The following CTNNA3 variants were observed in gnomAD, a reference collection of about 807,000 sequenced individuals.
CTNNA3 encodes catenin alpha-3.
A neutral mutation model predicts 95.7 loss-of-function variants in CTNNA3; 76 were observed. The ratio of observed to expected loss-of-function variants is 0.79; its 90% confidence interval spans 0.66 to 0.96. The LOEUF (loss-of-function observed/expected upper bound fraction) is 0.96, where lower values mean the gene tolerates loss of function less well. Ranked by LOEUF, CTNNA3 falls within the 40% of genes least tolerant of loss-of-function variation. The pLI, the probability that CTNNA3 is intolerant of heterozygous loss-of-function variation, is 0.00. For missense variants in CTNNA3, 1,191 were observed against 1,089.8 expected (o/e 1.09, Z -1.31); for synonymous variants, 431 against 374.4 (o/e 1.15, Z -1.74).
intron 12 of CTNNA3, among the ~76,000 whole-genome samples, chr10:66,315,743 T>C (rs1251151788): frequency 1.3e-5 from 2 of 152,212 alleles, no homozygotes; most frequent in East Asian, 3.9e-4. Flanking sequence ...GAGAAATTAT[T>C]CTGTAATATT....
intron 5 of CTNNA3, among the ~76,000 whole-genome samples, chr10:67,452,212 G>A (rs1370703966): frequency 6.6e-6 from 1 of 151,994 alleles, no homozygotes; most frequent in African/African-American, 2.4e-5. Flanking sequence ...ATGCATTTGG[G>A]GGAAATATAA....
chr10:66,111,472 G>C (rs1320327870), intron 13 of CTNNA3, among the ~76,000 whole-genome samples: 1 of 152,206 alleles, frequency 6.6e-6, no homozygotes, highest in African/African-American at 2.4e-5. Context: ...CTTCTTAGGG[G>C]ACCATTATCC....
chr10:66,473,761 C>T (rs994809894), intron 11 of CTNNA3, among the ~76,000 whole-genome samples: 6 of 151,848 alleles, frequency 4.0e-5, no homozygotes, highest in East Asian at 1.9e-4. Flanking sequence ...TGAGAACATG[C>T]GGTGTTTGGT....
chr10:66,916,489 A>T (rs889896069), intron 7 of CTNNA3, among the ~76,000 whole-genome samples: 1 of 152,176 alleles, frequency 6.6e-6, no homozygotes, highest in Non-Finnish European at 1.5e-5. Flanking sequence ...CTTTTCTCCT[A>T]TTTGCTTTTT....
At chr10:66,986,676 G>C (rs780777619) in intron 7 of CTNNA3, among the ~76,000 whole-genome samples, 9 of 152,048 alleles carry the variant, frequency 5.9e-5, no homozygotes, top group Non-Finnish European at 8.8e-5. Flanking sequence ...ACTATACCTT[G>C]TAAGTCAACT....
At chr10:66,846,567 T>G (rs952505457) in intron 7 of CTNNA3, among the ~76,000 whole-genome samples, 2 of 151,840 alleles carry the variant, frequency 1.3e-5, no homozygotes, top group African/African-American at 4.8e-5. Context: ...AACATCACAT[T>G]ATATACCATA....
intron 7 of CTNNA3, among the ~76,000 whole-genome samples, chr10:67,136,297 T>C (rs1860305997): frequency 6.6e-6 from 1 of 152,122 alleles, no homozygotes; most frequent in Non-Finnish European, 1.5e-5. Context: ...AAGATTTATG[T>C]GTGTGCTTCC....
At chr10:67,685,659 T>C (rs1426491711) in intron 1 of CTNNA3, among the ~76,000 whole-genome samples, 2 of 152,264 alleles carry the variant, frequency 1.3e-5, no homozygotes, top group East Asian at 3.8e-4. Flanking sequence ...TTGAGTGTTA[T>C]AGGGTTACAG....
At chr10:66,772,896 A>G (rs1221546274) in intron 8 of CTNNA3, among the ~76,000 whole-genome samples, 1 of 152,210 alleles carries the variant, frequency 6.6e-6, no homozygotes, top group Non-Finnish European at 1.5e-5. Flanking sequence ...GTTTTAAAAG[A>G]TAAAACCAGT....
chr10:66,764,974 G>A (rs1026495113), intron 9 of CTNNA3, among the ~76,000 whole-genome samples: 4 of 152,102 alleles, frequency 2.6e-5, no homozygotes, highest in African/African-American at 9.7e-5. Flanking sequence ...CTTGGTTTGG[G>A]TTTTATATCT....
chr10:67,326,390 T>C (rs1448103437), intron 5 of CTNNA3, among the ~76,000 whole-genome samples: 2 of 152,160 alleles, frequency 1.3e-5, no homozygotes, highest in East Asian at 3.8e-4. Flanking sequence ...TATTTAGTGC[T>C]ACCTTTAAGA....
chr10:67,579,866 C>G lies in CTNNA3; in HGVS notation c.292+26991G>C, dbSNP rs184546320. Among the ~76,000 whole-genome samples the G allele has an allele frequency of 2.3e-3, 343 of 152,282 alleles. 3 individuals are homozygous for G. The highest frequency in any genetic ancestry group is 7.8e-3 in the African/African-American group (326 of 41,554). ...ATAAATGTCTTCTTTTGAGAAGTGT[C>G]TGTTCATATCCTTCGCCCATTTTTT... is the stretch of plus-strand genomic sequence containing the variant. On this transcript the variant is annotated intron_variant, in intron 3 of 17. Coordinates refer to ENST00000433211, the MANE Select transcript of CTNNA3 (RefSeq NM_013266.4).
At chr10:66,220,683 A>C (rs537678098) in intron 13 of CTNNA3, among the ~76,000 whole-genome samples, 1 of 152,294 alleles carries the variant, frequency 6.6e-6, no homozygotes, top group African/African-American at 2.4e-5. Context: ...GGCTCTCAGC[A>C]GGATGGGAAG....
At chr10:66,778,562 G>A (rs1438359586) in intron 7 of CTNNA3, among the ~76,000 whole-genome samples, 1 of 152,112 alleles carries the variant, frequency 6.6e-6, no homozygotes, top group East Asian at 1.9e-4. Context: ...AATGGAAAAG[G>A]GACCACTTAC....
At chr10:66,330,154 G>A (rs139349754) in intron 12 of CTNNA3, among the ~76,000 whole-genome samples, 2,644 of 151,920 alleles carry the variant, frequency 0.017, 73 homozygotes, top group African/African-American at 0.059. Flanking sequence ...TGCCATGTTG[G>A]TGTGCTGCAT....
chr10:67,685,033 A>G (rs1210481978), intron 1 of CTNNA3, among the ~76,000 whole-genome samples: 2 of 152,200 alleles, frequency 1.3e-5, no homozygotes, highest in Non-Finnish European at 1.5e-5. Context: ...GAGGAGGTCT[A>G]AGCCTCGGCA....
At chr10:67,359,647 G>A (rs1034506069) in intron 5 of CTNNA3, among the ~76,000 whole-genome samples, 3 of 152,076 alleles carry the variant, frequency 2.0e-5, no homozygotes, top group African/African-American at 7.2e-5. Context: ...AGCTTAGTCA[G>A]ACAAAAATAA....
chr10:66,055,569 C>A (rs929611505), intron 15 of CTNNA3, among the ~76,000 whole-genome samples: 1 of 151,936 alleles, frequency 6.6e-6, no homozygotes, highest in Admixed American at 6.6e-5. Flanking sequence ...AATTTTGTAG[C>A]CTGAAACTTT....
At chr10:66,266,226 T>C (rs2091154355) in intron 13 of CTNNA3, among the ~76,000 whole-genome samples, 1 of 151,614 alleles carries the variant, frequency 6.6e-6, no homozygotes, top group Non-Finnish European at 1.5e-5. Flanking sequence ...TCCCCTCCCT[T>C]GTATATTAGA....
Sources: allele counts gnomAD v4.1 joint callset (sites outside exome capture counted in the v4.1 genomes callset), GRCh38; gene constraint gnomAD v4.1.1; transcripts MANE v1.5; gene names NCBI Gene and HGNC (gene_info 2026-07-23, HGNC 2026-07-21).